Variants in ZFPM2 observed in about 807,000 individuals in gnomAD.
ZFPM2 encodes zinc finger protein, FOG family member 2, also known as zinc finger protein ZFPM2.
In ZFPM2, 20 loss-of-function variants were observed where a neutral mutation model predicts 98.6. That is an observed-to-expected ratio of 0.20 (90% CI 0.14 to 0.29). ZFPM2 has a LOEUF of 0.29. Ranked by LOEUF, ZFPM2 falls within the 10% of genes least tolerant of loss-of-function variation. ZFPM2 has a pLI of 1.00. For missense variants in ZFPM2, 1,310 were observed against 1,388.6 expected (o/e 0.94, Z 0.90); for synonymous variants, 518 against 502.7 (o/e 1.03, Z -0.41).
At chr8:105,753,092 G>A (rs556188423) in intron 5 of ZFPM2, among the ~76,000 whole-genome samples, 5 of 152,216 alleles carry the variant, frequency 3.3e-5, no homozygotes, top group South Asian at 4.1e-4. Context: ...CAAAGGGGGC[G>A]TGCTCCTCTC....
At chr8:105,496,855 G>T (rs1586416018) in intron 3 of ZFPM2, among the ~76,000 whole-genome samples, 1 of 149,618 alleles carries the variant, frequency 6.7e-6, no homozygotes, top group Admixed American at 6.6e-5. Flanking sequence ...GGTGGCGCAT[G>T]ACTGTAATCC....
chr8:105,338,316 T>C (rs1032611737), intron 1 of ZFPM2, among the ~76,000 whole-genome samples: 36 of 151,780 alleles, frequency 2.4e-4, no homozygotes, highest in Non-Finnish European at 3.8e-4. Flanking sequence ...TATTTGACTC[T>C]TTGATGCATC....
At chr8:105,797,147 T>G (rs1005149673) in intron 6 of ZFPM2, 2 of 152,208 alleles carry the variant, frequency 1.3e-5, no homozygotes, top group African/African-American at 4.8e-5. Flanking sequence ...GGAAGAGTGA[T>G]TAAGACCAGA....
At chr8:105,394,947 TCAAA>T (rs967334052) in intron 1 of ZFPM2, among the ~76,000 whole-genome samples, 2 of 152,318 alleles carry the variant, frequency 1.3e-5, no homozygotes, top group African/African-American at 4.8e-5. Flanking sequence ...CGTGTATGTG[TCAAA>T]CAGTCTTTTC....
chr8:105,397,113 T>C (rs1267517898), intron 1 of ZFPM2, among the ~76,000 whole-genome samples: 1 of 152,138 alleles, frequency 6.6e-6, no homozygotes, highest in African/African-American at 2.4e-5. Flanking sequence ...GCTTCTGCCA[T>C]TTCATTAGTT....
chr8:105,756,327 G>A (rs1013803125), intron 5 of ZFPM2, among the ~76,000 whole-genome samples: 1 of 152,210 alleles, frequency 6.6e-6, no homozygotes, highest in Non-Finnish European at 1.5e-5. Context: ...GCCTGTACCA[G>A]GCGAAATGTA....
At chr8:105,599,946 G>A (rs1816057761) in intron 4 of ZFPM2, among the ~76,000 whole-genome samples, 1 of 152,060 alleles carries the variant, frequency 6.6e-6, no homozygotes, top group African/African-American at 2.4e-5. Flanking sequence ...AAATCCTCAT[G>A]GTTGAAAATT....
chr8:105,656,224 C>A, intron 5 of ZFPM2, among the ~76,000 whole-genome samples: 1 of 152,062 alleles, frequency 6.6e-6, no homozygotes, highest in East Asian at 1.9e-4. Flanking sequence ...GAAGAGAAAA[C>A]AAGCAAGTGA....
At chr8:105,631,681 T>C (rs1313036851) in intron 4 of ZFPM2, among the ~76,000 whole-genome samples, 1 of 152,212 alleles carries the variant, frequency 6.6e-6, no homozygotes, top group African/African-American at 2.4e-5. Context: ...AACATTTTTA[T>C]TGTATCTGTA....
At chr8:105,712,916 C>T (rs1408718006) in intron 5 of ZFPM2, among the ~76,000 whole-genome samples, 6 of 152,124 alleles carry the variant, frequency 3.9e-5, no homozygotes, top group Non-Finnish European at 8.8e-5. Context: ...GCATAGTGTT[C>T]TGTGGCGTAT....
At chr8:105,457,997 C>G (rs1343284946) in intron 3 of ZFPM2, among the ~76,000 whole-genome samples, 2 of 152,162 alleles carry the variant, frequency 1.3e-5, no homozygotes, top group Non-Finnish European at 2.9e-5. Context: ...GCAAAGAAAT[C>G]TAACCAGGGA....
intron 3 of ZFPM2, among the ~76,000 whole-genome samples, chr8:105,454,567 C>T (rs1179823294): frequency 1.3e-5 from 2 of 152,276 alleles, no homozygotes; most frequent in African/African-American, 4.8e-5. Flanking sequence ...GGTGTTTCAG[C>T]CTGATCCGAT....
intron 2 of ZFPM2, among the ~76,000 whole-genome samples, chr8:105,428,242 C>G (rs1472937922): frequency 6.6e-6 from 1 of 152,136 alleles, no homozygotes; most frequent in East Asian, 1.9e-4. Flanking sequence ...TAAACACTTA[C>G]TGTACACGAT....
At chr8:105,749,333 T>A (rs1383341980) in intron 5 of ZFPM2, among the ~76,000 whole-genome samples, 9 of 152,146 alleles carry the variant, frequency 5.9e-5, no homozygotes, top group Middle Eastern at 6.8e-3. Flanking sequence ...AAAAAAAGAC[T>A]CCCTTGCATG....
intron 5 of ZFPM2, among the ~76,000 whole-genome samples, chr8:105,674,422 G>A (rs575455349): frequency 5.9e-5 from 9 of 152,290 alleles, no homozygotes; most frequent in African/African-American, 2.2e-4. Flanking sequence ...AGTAAGCATA[G>A]CCGTAATCCA....
chr8:105,776,601 C>CTTAT (rs1188648304), intron 5 of ZFPM2, among the ~76,000 whole-genome samples: 1 of 152,230 alleles, frequency 6.6e-6, no homozygotes, highest in South Asian at 2.1e-4. Context: ...ATAAACAATT[C>CTTAT]TTATTTATCT....
intron 4 of ZFPM2, among the ~76,000 whole-genome samples, chr8:105,631,686 T>G (rs542987963): frequency 6.6e-4 from 100 of 152,304 alleles, no homozygotes; most frequent in African/African-American, 2.3e-3. Flanking sequence ...TTTTATTGTA[T>G]CTGTATCCTT....
intron 4 of ZFPM2, among the ~76,000 whole-genome samples, chr8:105,595,784 G>A (rs1441738444): frequency 1.3e-5 from 2 of 151,824 alleles, no homozygotes; most frequent in Admixed American, 1.3e-4. Flanking sequence ...TCTCCTTCAT[G>A]GCTAAAATAA....
intron 1 of ZFPM2, among the ~76,000 whole-genome samples, chr8:105,342,903 G>A (rs963988154): frequency 1.3e-5 from 2 of 151,954 alleles, no homozygotes; most frequent in South Asian, 2.1e-4. Flanking sequence ...AAACTCCTAG[G>A]TCTGGCACAT....
Sources: allele counts gnomAD v4.1 joint callset (sites outside exome capture counted in the v4.1 genomes callset), GRCh38; gene constraint gnomAD v4.1.1; transcripts MANE v1.5; gene names NCBI Gene and HGNC (gene_info 2026-07-23, HGNC 2026-07-21).